Variants in ZFP37 observed in about 807,000 individuals in gnomAD.
ZFP37 encodes zinc finger protein 37 homolog.
Under a neutral mutation model 52.1 loss-of-function variants are expected in ZFP37, and 38 were observed. The observed-to-expected ratio is 0.73, with a 90% CI of 0.56 to 0.96. The LOEUF (loss-of-function observed/expected upper bound fraction) is 0.96. Among genes scored for constraint, ZFP37 ranks in the 40% least tolerant of loss-of-function variants. The pLI is 0.00. For missense variants in ZFP37, 695 were observed against 741.4 expected, an observed-to-expected ratio of 0.94 and a Z score of 0.73; for synonymous variants, 253 against 259.5, an observed-to-expected ratio of 0.98 and a Z score of 0.24.
At chr9:113,051,589 A>T (rs796598793) in intron 1 of ZFP37, among the ~76,000 whole-genome samples, 17 of 152,152 alleles carry the variant, frequency 1.1e-4, no homozygotes, top group African/African-American at 3.9e-4. Context: ...AGTAGCTGGG[A>T]CTATAGGCAA....
chr9:113,042,987 G>A lies in ZFP37; in HGVS notation c.1631C>T (p.Pro544Leu), dbSNP rs772313609. The A allele has an allele frequency of 6.2e-6, 10 of 1,613,812 alleles. No homozygotes were observed. The highest frequency in any genetic ancestry group is 2.2e-5 in the East Asian group (1 of 44,866). The change falls in exon 4 of 4, where the codon CCG becomes CTG. Residue 544 changes from proline (P) to leucine (L), a missense_variant. Coordinates refer to ENST00000374227, the MANE Select transcript of ZFP37 (RefSeq NM_003408.3). ...QHQRVHTGEKPYECNECGKAF... is the reference protein window; with the variant it reads ...QHQRVHTGEKLYECNECGKAF... Reference sequence around the variant, plus strand: ...TTTCCCACATTCATTACACTCATACGGTTTCTCTCCAGTATGAACTCTCTG... The same window carrying A: ...TTTCCCACATTCATTACACTCATACAGTTTCTCTCCAGTATGAACTCTCTG...
rs544297100 is a variant in ZFP37, at chr9:113,042,631, T to C, written c.*94A>G. On this transcript the variant is annotated 3_prime_UTR_variant, in exon 4 of 4. Transcript: ENST00000374227. ...TTCTCATGTACAACAAGGTGTGACA[T>C]CTTGCTAAAGGCTTTCTAACACTCT... The C allele has an allele frequency of 1.2e-5, 13 of 1,099,732 alleles. No individual in the cohort carries two copies. Among genetic ancestry groups the C allele is most frequent in the Non-Finnish European group, 1.6e-5 (13 of 795,312 alleles). The allele number at this position is 1,099,732 out of a possible 1,614,324, so 68.1% of individuals were successfully genotyped here. A position where few individuals can be genotyped will look rare whatever the true frequency, so the allele number is the denominator to read the frequency against.
Position 113,044,179 on chromosome 9 carries a change from C to T in ZFP37, c.439G>A (p.Ala147Thr), listed in dbSNP as rs1208466718. The T allele has an allele frequency of 1.2e-6, 2 of 1,606,568 alleles. No homozygotes were observed. The highest frequency in any genetic ancestry group is 4.5e-5 in the East Asian group (2 of 44,820). Residue 147 changes from alanine (A) to threonine (T), a missense_variant, in exon 4 of 4, where the codon GCT becomes ACT. Physicochemically the swap from Ala to Thr is moderately conservative, Grantham distance 58. Coordinates refer to ENST00000374227, the MANE Select transcript of ZFP37 (RefSeq NM_003408.3). ...REVAVKKKTQ[A>T]KKNGSDCGSL... ...CCACAGTCACTGCCATTCTTCTTAGCTTGAGTTTTCTTCTTGACTGCAACT... is the reference window on the plus strand; with the variant it reads ...CCACAGTCACTGCCATTCTTCTTAGTTTGAGTTTTCTTCTTGACTGCAACT...
chr9:113,049,702 C>A (rs563944557), intron 2 of ZFP37, 89 bp downstream of exon 2: 2 of 1,535,100 alleles, frequency 1.3e-6, no homozygotes, highest in East Asian at 2.3e-5. Context: ...GCCCTTTGAC[C>A]CACAAAAATG....
rs1828828537 is a variant in ZFP37 at position 113,040,490 on chromosome 9, C to T, written c.*2235G>A. ...TATATTCATGAGTTGAGCTTTCAAC[C>T]CGTGCATGTGTATGCATGTGTGCAC... On this transcript the variant is annotated 3_prime_UTR_variant, in exon 4 of 4. Transcript: ENST00000374227. The T allele has an allele frequency of 6.6e-6, 1 of 152,196 alleles. No homozygotes were observed. Among genetic ancestry groups the T allele is most frequent in the Non-Finnish European group, 1.5e-5 (1 of 68,038 alleles). The allele number at this position is 152,196 out of a possible 1,614,324, so 9.4% of individuals were successfully genotyped here.
intron 1 of ZFP37, 93 bp downstream of exon 1, chr9:113,056,464 C>G (rs1386084070): frequency 6.5e-7 from 1 of 1,548,892 alleles, no homozygotes; most frequent in East Asian, 2.3e-5. Flanking sequence ...CACCAATTCC[C>G]AAATCACCTA....
In ZFP37 at chr9:113,043,581, T is replaced by G; in HGVS notation, c.1037A>C (p.Glu346Ala). ...LVVHQRTHTG[E>A]KPYECIQCGK... ...ACACTGAATACATTCATATGGTTTT[T>G]CTCCGGTGTGAGTTCTCTGATGTAC... Residue 346 changes from glutamate (E) to alanine (A), a missense_variant, in exon 4 of 4, where the codon GAA becomes GCA. Around this residue, in one of 2 missense-constraint regions of ZFP37, gnomAD observed 326 missense variants for 400.5 expected, o/e 0.81. Transcript: ENST00000374227. 1 of 1,614,066 alleles carries G rather than the reference T, an allele frequency of 6.2e-7. No individual in the cohort carries two copies. The highest frequency in any genetic ancestry group is 8.5e-7 in the Non-Finnish European group (1 of 1,179,942).
rs745659237 is a variant in ZFP37 at position 113,049,630 on chromosome 9, T to C, written c.215-134A>G. On this transcript the variant is annotated intron_variant, in intron 2 of 3. Coordinates refer to ENST00000374227, the MANE Select transcript of ZFP37 (RefSeq NM_003408.3). Reference sequence around the variant, plus strand: ...CAATATGAATGCCAGGTCAGCTAAATAGACCTTCCATTTTGGAGGCAGGGG... The same window carrying C: ...CAATATGAATGCCAGGTCAGCTAAACAGACCTTCCATTTTGGAGGCAGGGG... The C allele has an allele frequency of 7.5e-5, 107 of 1,432,786 alleles. 1 individual carries two copies. Among genetic ancestry groups the C allele is most frequent in the South Asian group, 1.3e-4 (9 of 69,894 alleles). The allele number at this position is 1,432,786 out of a possible 1,614,324, so 88.8% of individuals were successfully genotyped here.
rs756608885 is a variant in ZFP37 at position 113,044,108 on chromosome 9, T to C, written c.510A>G (p.Ser170=). ...KNNLHKKHVP[S]KKRLLKFESC... Reference sequence around the variant, plus strand: ...ACTCAAATTTAAGAAGCCTTTTCTTTGAAGGAACATGTTTTTTATGCAAAT... The same window carrying C: ...ACTCAAATTTAAGAAGCCTTTTCTTCGAAGGAACATGTTTTTTATGCAAAT... The change falls in exon 4 of 4, where the codon TCA becomes TCG. Residue 170 remains serine (S), a synonymous_variant. Coordinates refer to ENST00000374227, the MANE Select transcript of ZFP37 (RefSeq NM_003408.3). 1.9e-6 allele frequency: 3 copies of C among 1,611,598 alleles called. No individual in the cohort carries two copies. Among genetic ancestry groups the C allele is most frequent in the Non-Finnish European group, 2.5e-6 (3 of 1,179,476 alleles).
At position 113,043,596 on chromosome 9, in the gene ZFP37, C is replaced by T; in HGVS notation, c.1022G>A (p.Arg341Lys). The T allele has an allele frequency of 1.2e-6, 2 of 1,614,026 alleles. No individual in the cohort carries two copies. The highest frequency in any genetic ancestry group is 2.2e-5 in the East Asian group (1 of 44,864). Residue 341 changes from arginine to lysine, a missense_variant, in exon 4 of 4, where the codon AGA becomes AAA. Transcript: ENST00000374227. ...ATATGGTTTTTCTCCGGTGTGAGTT[C>T]TCTGATGTACAACAAGGTGTGACTT... Reference protein sequence around the residue: ...SQKSHLVVHQRTHTGEKPYEC... With the variant: ...SQKSHLVVHQKTHTGEKPYEC...
chr9:113,049,580 A>C, intron 2 of ZFP37, 84 bp from the exon 3 acceptor site: 2 of 1,526,032 alleles, frequency 1.3e-6, no homozygotes, highest in Middle Eastern at 3.4e-4. Context: ...CAGGGCCTAA[A>C]GAATACATGG....
rs753131001 is a variant in ZFP37 at position 113,042,969 on chromosome 9, C to T, written c.1649G>A (p.Cys550Tyr). Residue 550 changes from cysteine (C) to tyrosine (Y), a missense_variant, in exon 4 of 4, where the codon TGT becomes TAT. Transcript: ENST00000374227. ...TGEKPYECNE[C>Y]GKAFSQKSHL... is the part of the protein sequence containing the mutation. ...AGACTTTTGGCTAAAGGCTTTCCCA[C>T]ATTCATTACACTCATACGGTTTCTC... 6.2e-7 allele frequency: 1 copy of T among 1,613,930 alleles called. No homozygotes were observed.
chr9:113,045,836 C>G (rs1349585773), intron 3 of ZFP37, among the ~76,000 whole-genome samples: 1 of 152,136 alleles, frequency 6.6e-6, no homozygotes, highest in South Asian at 2.1e-4. Context: ...TTAGGGGTGT[C>G]ATTTTTCAGC....
At chr9:113,044,407 G>A (rs1177746758) in intron 3 of ZFP37, 139 bp from the exon 4 acceptor site, 2 of 672,712 alleles carry the variant, frequency 3.0e-6, no homozygotes, top group Non-Finnish European at 4.6e-6. Flanking sequence ...AACAACTAGG[G>A]TGAATGGACT....
Position 113,049,433 on chromosome 9 carries a change from C to T in ZFP37, c.278G>A (p.Gly93Glu). 1 of 1,614,076 alleles carries T rather than the reference C, an allele frequency of 6.2e-7. No homozygotes were observed. Among genetic ancestry groups the T allele is most frequent in the Non-Finnish European group, 8.5e-7 (1 of 1,180,000 alleles). ...KLEKGEAPWL[G>E]KGKRPSQGCP... ...ACCTTGACTGGGTCTTTTCCCCTTC[C>T]CCAACCATGGTGCTTCTCCTTTTTC... Residue 93 changes from glycine (G) to glutamate (E), a missense_variant, in exon 3 of 4, where the codon GGG becomes GAG. This residue lies in a region of ZFP37 where 369 missense variants were observed against 340.9 expected (regional missense o/e 1.08). Coordinates refer to ENST00000374227, the MANE Select transcript of ZFP37 (RefSeq NM_003408.3).
In ZFP37 at chr9:113,052,112, C is replaced by T. The variant is rs1829067029; in HGVS notation, c.133-2240G>A. 6.6e-6 allele frequency among the ~76,000 whole-genome samples: 1 copy of T among 152,144 alleles called. No individual in the cohort carries two copies. The highest frequency in any genetic ancestry group is 2.1e-4 in the South Asian group (1 of 4,828). ...ACTAAACAGAATTCTCAAGCAGTGG[C>T]CTTTATAGAAACTCTAATTACTGCC... On this transcript the variant is annotated intron_variant, in intron 1 of 3. Coordinates refer to ENST00000374227, the MANE Select transcript of ZFP37 (RefSeq NM_003408.3). This position sits in a 1 kb window ranked among gnomAD's most constrained non-coding sequence, Gnocchi z 4.1.
rs1241916091 is a variant in ZFP37, at chr9:113,042,035, A to G, written c.*690T>C. ...CAAAGATACATACACATACAGAGAT[A>G]AGAGACAGAGGTTAAACAAACATAC... On this transcript the variant is annotated 3_prime_UTR_variant, in exon 4 of 4. Coordinates refer to ENST00000374227, the MANE Select transcript of ZFP37 (RefSeq NM_003408.3). 6.6e-6 allele frequency: 1 copy of G among 152,218 alleles called. No homozygotes were observed. The highest frequency in any genetic ancestry group is 1.5e-5 in the Non-Finnish European group (1 of 68,060). 9.4% of individuals were successfully genotyped at this position (152,218 alleles called of 1,614,324 possible).
At position 113,049,804 on chromosome 9, in the gene ZFP37, G is replaced by T. The variant is rs1247872334; in HGVS notation, c.201C>A (p.Asn67Lys). Residue 67 changes from asparagine to lysine, a missense_variant, in exon 2 of 4, where the codon AAC (asparagine) becomes AAA (lysine). Physicochemically the swap from Asn to Lys is moderately conservative, Grantham distance 94. Transcript: ENST00000374227. ...AATTGTTCTTACCCATTGAGGCTTG[G>T]TTGCAGTAGTTCTCCAGCATCACAT... ...YNDVMLENYC[N>K]QASMGCQAPK... The T allele has an allele frequency of 1.2e-6, 2 of 1,613,878 alleles. No individual in the cohort carries two copies. The highest frequency in any genetic ancestry group is 1.7e-6 in the Non-Finnish European group (2 of 1,179,886).
intron 1 of ZFP37, among the ~76,000 whole-genome samples, chr9:113,056,322 G>C (rs1165560596): frequency 6.6e-6 from 1 of 151,990 alleles, no homozygotes; most frequent in Non-Finnish European, 1.5e-5. Flanking sequence ...CCGACACTCG[G>C]TGACTGCCAC....
Sources: allele counts gnomAD v4.1 joint callset (sites outside exome capture counted in the v4.1 genomes callset), GRCh38; gene constraint gnomAD v4.1.1; regional missense constraint gnomAD v4.1.1; non-coding constraint Gnocchi (gnomAD v3.1); transcripts MANE v1.5; gene names NCBI Gene and HGNC (gene_info 2026-07-23, HGNC 2026-07-21).